The following CFAP221 variants were observed in gnomAD, a reference collection of about 807,000 sequenced individuals.
CFAP221 encodes cilia and flagella associated protein 221.
In CFAP221, 97 loss-of-function variants were observed where a neutral mutation model predicts 113.1. That is an observed-to-expected ratio of 0.86 (90% CI 0.73 to 1.02). The LOEUF is 1.02. CFAP221 is among the 50% of genes least tolerant of loss of function. The pLI is 0.00. For missense variants in CFAP221, 1,025 were observed against 1,013.4 expected (o/e 1.01, Z -0.16); for synonymous variants, 331 against 354.4 (o/e 0.93, Z 0.74).
intron 6 of CFAP221, among the ~76,000 whole-genome samples, chr2:119,584,850 A>G (rs1217770929): frequency 6.6e-6 from 1 of 152,186 alleles, no homozygotes; most frequent in Non-Finnish European, 1.5e-5. Flanking sequence ...TAAAGGTGTA[A>G]ATTGGTAAAG....
chr2:119,578,656 C>T (rs960389141), intron 6 of CFAP221, among the ~76,000 whole-genome samples: 4 of 152,086 alleles, frequency 2.6e-5, no homozygotes, highest in Non-Finnish European at 5.9e-5. Flanking sequence ...TTGATGTTTC[C>T]CTCAAATTTC....
At chr2:119,658,179 T>TC (rs1688496693), downstream of CFAP221, among the ~76,000 whole-genome samples, 1 of 152,212 alleles carries the variant, frequency 6.6e-6, no homozygotes, top group African/African-American at 2.4e-5. Context: ...CCATGAGCTG[T>TC]CCCTCACCGT....
chr2:119,634,399 C>T (rs1041015168), intron 19 of CFAP221, among the ~76,000 whole-genome samples: 1 of 152,020 alleles, frequency 6.6e-6, no homozygotes, highest in Admixed American at 6.5e-5. Flanking sequence ...CCCAGGAGGT[C>T]GAGGTTGCAG....
At chr2:119,633,627 G>GT (rs1198469865) in intron 19 of CFAP221, among the ~76,000 whole-genome samples, 6 of 148,882 alleles carry the variant, frequency 4.0e-5, no homozygotes, top group Admixed American at 2.7e-4. Context: ...CAAATCAATA[G>GT]TAAAAAAAAA....
At chr2:119,629,045 A>T (rs1416421860) in intron 16 of CFAP221, among the ~76,000 whole-genome samples, 6 of 152,338 alleles carry the variant, frequency 3.9e-5, no homozygotes, top group Non-Finnish European at 7.3e-5. Flanking sequence ...AAAAAGAATG[A>T]ATTAATTTAT....
At chr2:119,621,005 A>G (rs920887701) in intron 14 of CFAP221, among the ~76,000 whole-genome samples, 1 of 151,932 alleles carries the variant, frequency 6.6e-6, no homozygotes, top group Non-Finnish European at 1.5e-5. Flanking sequence ...CAGGCGGATC[A>G]CCTCAGGTCG....
At position 119,546,154 on chromosome 2, in the gene CFAP221, G is replaced by T; in HGVS notation, c.23G>T (p.Ser8Ile). 2 of 1,534,710 alleles carry T rather than the reference G, an allele frequency of 1.3e-6. No homozygotes were observed. Among genetic ancestry groups the T allele is most frequent in the Middle Eastern group, 1.7e-4 (1 of 5,970 alleles). The change falls in exon 2 of 24, where the codon AGC (serine) becomes ATC (isoleucine). Residue 8 changes from serine to isoleucine, a missense_variant. Coordinates refer to ENST00000413369, the MANE Select transcript of CFAP221 (RefSeq NM_001271049.2). MAVVKTP[S>I]RGLKNAKEPF... ...AAAATGGCAGTGGTGAAAACCCCCA[G>T]CAGAGGACTAAAGAATGCTAAAGAA...
At chr2:119,591,285 T>C (rs1307132162) in intron 7 of CFAP221, among the ~76,000 whole-genome samples, 1 of 152,124 alleles carries the variant, frequency 6.6e-6, no homozygotes, top group Non-Finnish European at 1.5e-5. Context: ...AGTTAATATA[T>C]GAGATGCAAA....
intron 14 of CFAP221, among the ~76,000 whole-genome samples, chr2:119,621,412 A>G (rs879392218): frequency 1.2e-4 from 18 of 152,276 alleles, no homozygotes; most frequent in Admixed American, 1.2e-3. Context: ...AGAGACTACA[A>G]AGTGACTCAG....
chr2:119,585,249 A>G (rs1234618713), intron 6 of CFAP221, among the ~76,000 whole-genome samples: 1 of 152,240 alleles, frequency 6.6e-6, no homozygotes, highest in Admixed American at 6.5e-5. Flanking sequence ...TTTTATGCAT[A>G]CATATGTAAG....
At chr2:119,546,325 A>C in intron 2 of CFAP221, 55 bp downstream of exon 2, 1 of 1,506,762 alleles carries the variant, frequency 6.6e-7, no homozygotes, top group East Asian at 2.5e-5. Context: ...CAGGCGAGCC[A>C]AAGTCCAGAG....
intron 15 of CFAP221, among the ~76,000 whole-genome samples, chr2:119,626,730 T>C (rs1386240415): frequency 1.3e-5 from 2 of 152,002 alleles, no homozygotes; most frequent in Non-Finnish European, 2.9e-5. Context: ...GCCCAGGAGT[T>C]CGAGACAAGC....
chr2:119,639,225 G>A (rs578189304), intron 20 of CFAP221, among the ~76,000 whole-genome samples: 4 of 152,212 alleles, frequency 2.6e-5, no homozygotes, highest in Non-Finnish European at 5.9e-5. Flanking sequence ...TTTCCTGCTC[G>A]AAAGCCCTCC....
At chr2:119,607,102 G>A (rs531581053) in intron 11 of CFAP221, among the ~76,000 whole-genome samples, 1 of 152,228 alleles carries the variant, frequency 6.6e-6, no homozygotes, top group Admixed American at 6.5e-5. Flanking sequence ...GGCAAATTTA[G>A]CCAGTTGTCC....
At chr2:119,627,837 T>C (rs1219251034) in intron 16 of CFAP221, 51 bp downstream of exon 16, 2 of 1,605,394 alleles carry the variant, frequency 1.2e-6, no homozygotes, top group Admixed American at 3.4e-5. Flanking sequence ...CATGATCGTG[T>C]TGGGCAGATA....
intron 7 of CFAP221, among the ~76,000 whole-genome samples, chr2:119,594,734 C>G (rs1186327257): frequency 6.6e-6 from 1 of 152,218 alleles, no homozygotes; most frequent in Admixed American, 6.5e-5. Context: ...ATAGCTAATG[C>G]TTACATCGTG....
At chr2:119,605,392 C>A in intron 11 of CFAP221, 103 bp downstream of exon 11, 1 of 896,798 alleles carries the variant, frequency 1.1e-6, no homozygotes, top group Non-Finnish European at 1.7e-6. Context: ...CTTTTAGGTA[C>A]TTTGGAGAAT....
intron 14 of CFAP221, among the ~76,000 whole-genome samples, chr2:119,618,692 G>A (rs1231960306): frequency 1.3e-5 from 2 of 152,128 alleles, no homozygotes; most frequent in Non-Finnish European, 2.9e-5. Context: ...AGCTGCAGAA[G>A]TTTTTTTCAT....
At chr2:119,594,761 C>CACT (rs1472110284) in intron 7 of CFAP221, among the ~76,000 whole-genome samples, 8 of 152,322 alleles carry the variant, frequency 5.3e-5, no homozygotes, top group Admixed American at 1.3e-4. Flanking sequence ...ATGTGCCAGA[C>CACT]ACTACACTGG....
Sources: allele counts gnomAD v4.1 joint callset (sites outside exome capture counted in the v4.1 genomes callset), GRCh38; gene constraint gnomAD v4.1.1; transcripts MANE v1.5; gene names NCBI Gene and HGNC (gene_info 2026-07-23, HGNC 2026-07-21).